The following PLEK variants were observed in gnomAD, a reference collection of about 807,000 sequenced individuals.
PLEK encodes the protein pleckstrin.
Under a neutral mutation model 43.9 loss-of-function variants are expected in PLEK, and 25 were observed. That is an observed-to-expected ratio of 0.57 (90% CI 0.41 to 0.79). The LOEUF is 0.79. Ranked by LOEUF, PLEK falls within the 30% of genes least tolerant of loss-of-function variation. PLEK has a pLI of 0.00. For synonymous variants in PLEK, 152 were observed against 144.4 expected, an observed-to-expected ratio of 1.05 and a Z score of -0.38; for missense variants, 396 against 413.3, an observed-to-expected ratio of 0.96 and a Z score of 0.36.
intron 4 of PLEK, among the ~76,000 whole-genome samples, chr2:68,383,562 G>A (rs1267878212): frequency 1.3e-5 from 2 of 151,948 alleles, no homozygotes; most frequent in Non-Finnish European, 2.9e-5. Context: ...GCAAAGGATG[G>A]TGAGGACAAA....
intron 6 of PLEK, among the ~76,000 whole-genome samples, chr2:68,388,838 T>C (rs1673802994): frequency 6.6e-6 from 1 of 152,196 alleles, no homozygotes; most frequent in Non-Finnish European, 1.5e-5. Flanking sequence ...ACTTCCATTT[T>C]ACCTGTCCCT....
chr2:68,383,553 C>T (rs570109657), intron 4 of PLEK, among the ~76,000 whole-genome samples: 30 of 151,718 alleles, frequency 2.0e-4, no homozygotes, highest in Admixed American at 5.9e-4. Flanking sequence ...AGAGGATGGG[C>T]AAAGGATGGT....
At position 68,395,132 on chromosome 2, in the gene PLEK, A is replaced by C. The variant is rs146835079; in HGVS notation, c.917-548A>C. On this transcript the variant is annotated intron_variant, in intron 8 of 8. Coordinates refer to ENST00000234313, the MANE Select transcript of PLEK (RefSeq NM_002664.3). ...TGCTTGATGAAAAACAGTTCAGGCT[A>C]TAACTTGTGGTACTGTTGGTAGGTC... Among the ~76,000 whole-genome samples the C allele has an allele frequency of 2.2e-4, 33 of 152,156 alleles. No homozygotes were observed. In the East Asian group the frequency reaches 6.4e-3, roughly 29 times the overall value.
chr2:68,372,470 C>G (rs116387098), intron 1 of PLEK, among the ~76,000 whole-genome samples: 7 of 151,766 alleles, frequency 4.6e-5, no homozygotes, highest in African/African-American at 1.5e-4. Flanking sequence ...GCCACTGCGC[C>G]CAGCCGAGAA....
At chr2:68,372,927 T>G (rs1673438247) in intron 1 of PLEK, among the ~76,000 whole-genome samples, 1 of 152,184 alleles carries the variant, frequency 6.6e-6, no homozygotes, top group Non-Finnish European at 1.5e-5. Flanking sequence ...ACTGGTCAGA[T>G]GTACTAGGCC....
intron 1 of PLEK, among the ~76,000 whole-genome samples, chr2:68,369,605 C>A (rs1199612868): frequency 1.3e-5 from 2 of 151,128 alleles, no homozygotes; most frequent in East Asian, 3.9e-4. Context: ...TTTCTATGGT[C>A]GCCATTTTTC....
At chr2:68,381,424 G>T (rs772764703) in intron 3 of PLEK, among the ~76,000 whole-genome samples, 1 of 152,204 alleles carries the variant, frequency 6.6e-6, no homozygotes, top group Non-Finnish European at 1.5e-5. Flanking sequence ...GTAGACTAAA[G>T]GTGGTCAGAG....
At position 68,375,509 on chromosome 2, in the gene PLEK, G is replaced by A. The variant is rs1673485243; in HGVS notation, c.43-4819G>A. On this transcript the variant is annotated intron_variant, in intron 1 of 8. Coordinates refer to ENST00000234313, the MANE Select transcript of PLEK (RefSeq NM_002664.3). ...TGTCTGATCTTGCTCATTTTTAAAAGGGGAAATAATCCAGTGTTCGTCTGG... is the reference window on the plus strand; with the variant it reads ...TGTCTGATCTTGCTCATTTTTAAAAAGGGAAATAATCCAGTGTTCGTCTGG... Among the ~76,000 whole-genome samples, 5 of 152,294 alleles carry A rather than the reference G, an allele frequency of 3.3e-5. No homozygotes were observed. The South Asian group carries it at 8.3e-4, about 25-fold the overall frequency.
chr2:68,388,438 C>G lies in PLEK; in HGVS notation c.709C>G (p.Leu237Val). 4 of 1,612,124 alleles carry G rather than the reference C, an allele frequency of 2.5e-6. No homozygotes were observed. Among genetic ancestry groups the G allele is most frequent in the Non-Finnish European group, 3.4e-6 (4 of 1,178,204 alleles). ...EENSSDDDVI[L>V]KEEFRGVIIK... ...GAATTCCAGTGATGATGATGTGATT[C>G]TGAAAGAAGAATTCAGAGGGGTCAT... is the stretch of plus-strand genomic sequence containing the variant. Residue 237 changes from leucine (L) to valine (V), a missense_variant, in exon 6 of 9, where the codon CTG becomes GTG. By Grantham distance (32) the Leu-to-Val change is conservative. Coordinates refer to ENST00000234313, the MANE Select transcript of PLEK (RefSeq NM_002664.3).
intron 1 of PLEK, among the ~76,000 whole-genome samples, chr2:68,380,019 C>A (rs921139910): frequency 6.6e-6 from 1 of 152,040 alleles, no homozygotes; most frequent in Non-Finnish European, 1.5e-5. Flanking sequence ...GAAGCCTCAT[C>A]AATGAGGTGG....
intron 1 of PLEK, among the ~76,000 whole-genome samples, chr2:68,367,251 C>CT (rs1305749614): frequency 4.2e-5 from 3 of 71,922 alleles, no homozygotes; most frequent in Non-Finnish European, 8.2e-5. Context: ...CATTAAGATT[C>CT]TCTTTTTTTT....
chr2:68,381,024 A>G lies in PLEK; in HGVS notation c.380+120A>G, dbSNP rs1673603433. The G allele has an allele frequency of 1.2e-5, 10 of 820,394 alleles. No homozygotes were observed. In the East Asian group the frequency reaches 2.5e-4, roughly 20 times the overall value. 50.8% of individuals were successfully genotyped at this position (820,394 alleles called of 1,614,324 possible). ...GTTGTATCCACTCTGCCAGGTCAATACTGGCACTTGGTGTACTAAAATGTT... is the reference window on the plus strand; with the variant it reads ...GTTGTATCCACTCTGCCAGGTCAATGCTGGCACTTGGTGTACTAAAATGTT... On this transcript the variant is annotated intron_variant, in intron 3 of 8. Coordinates refer to ENST00000234313, the MANE Select transcript of PLEK (RefSeq NM_002664.3).
chr2:68,395,661 T>C lies in PLEK; in HGVS notation c.917-19T>C. 1 of 1,613,970 alleles carries C rather than the reference T, an allele frequency of 6.2e-7. No individual in the cohort carries two copies. The highest frequency in any genetic ancestry group is 8.5e-7 in the Non-Finnish European group (1 of 1,179,898). ...TTCTGATGCCTGTGCGTGCTGCCAT[T>C]TGCCTTCTCTTTCCCCAGGCAGGAA... On this transcript the variant is annotated intron_variant, in intron 8 of 8. Transcript: ENST00000234313.
At chr2:68,392,680 T>C (rs1673884416) in intron 6 of PLEK, among the ~76,000 whole-genome samples, 1 of 152,228 alleles carries the variant, frequency 6.6e-6, no homozygotes, top group African/African-American at 2.4e-5. Flanking sequence ...CCCACATGGA[T>C]AAGTGCAGGT....
rs562499544 is a variant in PLEK, at chr2:68,380,951, A to T, written c.380+47A>T. ...TCTTTACCCATTCCTTCTGAAAGACACAAACATAGCAGATCCTGCTCCAAG... is the reference window on the plus strand; with the variant it reads ...TCTTTACCCATTCCTTCTGAAAGACTCAAACATAGCAGATCCTGCTCCAAG... On this transcript the variant is annotated intron_variant, in intron 3 of 8. Coordinates refer to ENST00000234313, the MANE Select transcript of PLEK (RefSeq NM_002664.3). 5.4e-5 allele frequency: 83 copies of T among 1,526,516 alleles called. No homozygotes were observed. The South Asian group carries it at 9.1e-4, about 17-fold the overall frequency. The allele number at this position is 1,526,516 out of a possible 1,614,324, so 94.6% of individuals were successfully genotyped here. A position where few individuals can be genotyped will look rare whatever the true frequency, so the allele number is the denominator to read the frequency against.
chr2:68,394,321 C>T (rs935335514), intron 8 of PLEK, 145 bp downstream of exon 8: 55 of 663,246 alleles, frequency 8.3e-5, no homozygotes, highest in Admixed American at 2.9e-4. Context: ...CCTGTAATCC[C>T]GGCACTTTGG....
chr2:68,365,412 T>C lies in PLEK; in HGVS notation c.42+19T>C. ...GAAGAAGGTGAGCGAAGGTGCCACT[T>C]ACCAGGGTGTCAGTGGACATGGGCT... On this transcript the variant is annotated intron_variant, in intron 1 of 8. Transcript: ENST00000234313. 1 of 1,604,348 alleles carries C rather than the reference T, an allele frequency of 6.2e-7. No homozygotes were observed. Among genetic ancestry groups the C allele is most frequent in the Non-Finnish European group, 8.5e-7 (1 of 1,171,174 alleles).
At chr2:68,393,986 C>G (rs371167473) in intron 7 of PLEK, 121 bp from the exon 8 acceptor site, 93 of 694,980 alleles carry the variant, frequency 1.3e-4, no homozygotes, top group South Asian at 1.3e-3. Flanking sequence ...TCCTTCTGCT[C>G]TTACTTATTT....
At chr2:68,365,530 C>A in intron 1 of PLEK, 137 bp downstream of exon 1, 1 of 709,714 alleles carries the variant, frequency 1.4e-6, no homozygotes. Flanking sequence ...AGCGTGGTAG[C>A]ACATAGAATG....
Sources: allele counts gnomAD v4.1 joint callset (sites outside exome capture counted in the v4.1 genomes callset), GRCh38; gene constraint gnomAD v4.1.1; transcripts MANE v1.5; gene names NCBI Gene and HGNC (gene_info 2026-07-23, HGNC 2026-07-21).